The following LCTL variants were observed in gnomAD, a reference collection of about 807,000 sequenced individuals.
LCTL encodes the protein lactase-like protein.
In LCTL, 76 loss-of-function variants were observed where a neutral mutation model predicts 75.8. That is an observed-to-expected ratio of 1.00 (90% CI 0.83 to 1.21). The LOEUF is 1.21. Ranked by LOEUF, LCTL falls within the 50% of genes most tolerant of loss-of-function variation. LCTL has a pLI of 0.00. For missense variants in LCTL, 670 were observed against 712.4 expected, an observed-to-expected ratio of 0.94 and a Z score of 0.68; for synonymous variants, 271 against 268.8, an observed-to-expected ratio of 1.01 and a Z score of -0.08.
exon 2 of LCTL, chr15:66,564,766 G>T: frequency 6.2e-7 from 1 of 1,613,634 alleles, no homozygotes; most frequent in Non-Finnish European, 8.5e-7. Context: ...CGTCCCAGAT[G>T]CTAGGCCCTT....
exon 1 of LCTL, chr15:66,565,379 C>T: frequency 6.6e-7 from 1 of 1,520,956 alleles, no homozygotes; most frequent in Non-Finnish European, 9.0e-7. Flanking sequence ...GCCTGGCCCT[C>T]CCCCATACCT....
chr15:66,553,842 A>C (rs1415830654), intron 8 of LCTL, among the ~76,000 whole-genome samples: 1 of 151,594 alleles, frequency 6.6e-6, no homozygotes, highest in African/African-American at 2.4e-5. Context: ...TTGGGCTCCT[A>C]TATTGTTCCT....
chr15:66,561,030 G>T lies in LCTL; in HGVS notation c.681C>A (p.Tyr227Ter). The T allele has an allele frequency of 6.2e-7, 1 of 1,614,156 alleles. No homozygotes were observed. Among genetic ancestry groups the T allele is most frequent in the Non-Finnish European group, 8.5e-7 (1 of 1,180,026 alleles). ...CCTTAATGATGTGGTGTGCTGCCTT[G>T]TACAGGCCGGTGCCGCGGAGCTTCA... The change falls in exon 6 of 13, where the codon TAC becomes TAA. Residue 227 changes from tyrosine to a stop codon, truncating the protein, a stop_gained. Transcript: ENST00000341509. LOFTEE classifies it high-confidence loss of function.
At chr15:66,551,791 T>G (rs753733040) in exon 11 of LCTL, 1 of 1,613,790 alleles carries the variant, frequency 6.2e-7, no homozygotes, top group Non-Finnish European at 8.5e-7. Context: ...CTGAGTATCC[T>G]TTCTCCCATT....
rs746605040 is a variant in LCTL at position 66,552,030 on chromosome 15, G to C, written c.1324+13C>G. 6.2e-7 allele frequency: 1 copy of C among 1,605,564 alleles called. No homozygotes were observed. Among genetic ancestry groups the C allele is most frequent in the Non-Finnish European group, 8.5e-7 (1 of 1,177,156 alleles). ...AACGGGAAAACTGCAGACAATCTTG[G>C]TTTGTGTCTCACCTTTTAGCATTTC... On this transcript the variant is annotated intron_variant, in intron 10 of 12. Coordinates refer to ENST00000341509, the Ensembl canonical transcript of LCTL.
chr15:66,564,657 A>G lies in LCTL; in HGVS notation c.282+19T>C. ...TGTGCACGCGCGCGCACACACACAC[A>G]CTCACACCCCGCACTCACCTGGACC... On this transcript the variant is annotated intron_variant, in intron 2 of 12. Transcript: ENST00000341509. 3 of 1,608,300 alleles carry G rather than the reference A, an allele frequency of 1.9e-6. No individual in the cohort carries two copies. The highest frequency in any genetic ancestry group is 2.5e-6 in the Non-Finnish European group (3 of 1,179,226).
chr15:66,565,264 A>C lies in LCTL; in HGVS notation c.102T>G (p.Tyr34Ter). 6.2e-7 allele frequency: 1 copy of C among 1,611,122 alleles called. No individual in the cohort carries two copies. Among genetic ancestry groups the C allele is most frequent in the Non-Finnish European group, 8.5e-7 (1 of 1,177,424 alleles). Residue 34 changes from tyrosine to a stop codon, truncating the protein, a stop_gained, in exon 1 of 13, where the codon TAT (tyrosine) becomes TAG (stop). Coordinates refer to ENST00000341509, the Ensembl canonical transcript of LCTL. LOFTEE classifies it high-confidence loss of function. ...TGGCCGTACCAAGAGGGAAGGTTCC[A>C]TAGTAGAAGGAGGCCTCTTCTGGGG... is the stretch of plus-strand genomic sequence containing the variant.
chr15:66,558,929 C>G (rs1455303595), intron 6 of LCTL, among the ~76,000 whole-genome samples: 3 of 151,724 alleles, frequency 2.0e-5, no homozygotes, highest in Admixed American at 6.6e-5. Context: ...CTCCAGACCT[C>G]AAGCAATCTG....
chr15:66,564,727 C>T, exon 2 of LCTL: 3 of 1,613,586 alleles, frequency 1.9e-6, no homozygotes, highest in Non-Finnish European at 2.5e-6. Context: ...CATTCCCAAG[C>T]ACTTTCCCCT....
At chr15:66,563,402 G>A (rs1316650575) in intron 4 of LCTL, 114 bp downstream of exon 5, 4 of 625,180 alleles carry the variant, frequency 6.4e-6, no homozygotes, top group African/African-American at 5.4e-5. Context: ...ATAGTCCTGC[G>A]CCAGAATCCA....
chr15:66,564,677 T>G, exon 2 of LCTL: 1 of 1,611,712 alleles, frequency 6.2e-7, no homozygotes, highest in Non-Finnish European at 8.5e-7. Context: ...CGCACTCACC[T>G]GGACCTTGTA....
At chr15:66,554,288 CAAAA>C (rs547806774) in intron 8 of LCTL, among the ~76,000 whole-genome samples, 1 of 43,416 alleles carries the variant, frequency 2.3e-5, no homozygotes, top group African/African-American at 7.9e-5. Flanking sequence ...AAGACTGTCT[CAAAA>C]AAAAAAAAAA....
At chr15:66,565,327 T>A in exon 1 of LCTL, 1 of 1,613,660 alleles carries the variant, frequency 6.2e-7, no homozygotes, top group Non-Finnish European at 8.5e-7. Flanking sequence ...GCACCAGCAG[T>A]AGCATCCACA....
chr15:66,561,195 C>G, exon 5 of LCTL: 1 of 1,614,214 alleles, frequency 6.2e-7, no homozygotes. Context: ...ACCCGAGGAT[C>G]ACTGAACGTG....
At chr15:66,550,245 TTTAAA>T (rs1383567105) in intron 11 of LCTL, 141 bp from the exon 13 acceptor site, 3 of 589,424 alleles carry the variant, frequency 5.1e-6, no homozygotes, top group African/African-American at 1.9e-5. Flanking sequence ...CATTTTGTAG[TTTAAA>T]TTAGTTAATA....
intron 8 of LCTL, among the ~76,000 whole-genome samples, chr15:66,555,842 A>T (rs931981924): frequency 6.6e-6 from 1 of 152,228 alleles, no homozygotes; most frequent in African/African-American, 2.4e-5. Context: ...CCAATTCAAA[A>T]ATGGGCAAAG....
intron 8 of LCTL, among the ~76,000 whole-genome samples, chr15:66,555,431 C>G (rs1895717955): frequency 6.6e-6 from 1 of 151,492 alleles, no homozygotes; most frequent in South Asian, 2.1e-4. Context: ...ATCCCAGGTA[C>G]TTGGGAGGCT....
chr15:66,560,281 G>A (rs929578324), intron 6 of LCTL, among the ~76,000 whole-genome samples: 37 of 152,110 alleles, frequency 2.4e-4, no homozygotes, highest in African/African-American at 7.0e-4. Context: ...GGCCAATCCC[G>A]CATGCCTCGT....
intron 8 of LCTL, among the ~76,000 whole-genome samples, chr15:66,556,932 TA>T (rs552378815): frequency 0.013 from 1,861 of 145,092 alleles, 28 homozygotes; most frequent in African/African-American, 0.046. Context: ...TTTGCCACAA[TA>T]AAAAAAAATT....
Sources: gnomAD v4.1 joint callset for allele counts (sites outside exome capture counted in the v4.1 genomes callset) on GRCh38, gnomAD v4.1.1 for gene constraint, MANE v1.5 for transcripts, NCBI Gene and HGNC (gene_info 2026-07-23, HGNC 2026-07-21) for gene names.